TRPC4: variants seen among roughly 807,000 people sequenced by gnomAD.
TRPC4 encodes the protein short transient receptor potential channel 4.
TRPC4 carries 49 observed loss-of-function variants against 99.4 expected under a neutral mutation model. The observed-to-expected ratio is 0.49, with a 90% CI of 0.39 to 0.63. The LOEUF (loss-of-function observed/expected upper bound fraction) is 0.63, where lower values mean the gene tolerates loss of function less well. Ranked by LOEUF, TRPC4 falls within the 20% of genes least tolerant of loss-of-function variation. TRPC4 has a pLI of 0.00. For missense variants in TRPC4, 898 were observed against 1,152.9 expected, an observed-to-expected ratio of 0.78 and a Z score of 3.20; for synonymous variants, 454 against 425.9, an observed-to-expected ratio of 1.07 and a Z score of -0.81.
intron 1 of TRPC4, among the ~76,000 whole-genome samples, chr13:37,858,491 A>G (rs1197445584): frequency 6.6e-6 from 1 of 151,696 alleles, no homozygotes; most frequent in Non-Finnish European, 1.5e-5. Context: ...TTGTCTTAGT[A>G]CTTTTCACAA....
At chr13:37,641,101 A>T (rs1951701715) in intron 8 of TRPC4, among the ~76,000 whole-genome samples, 1 of 152,208 alleles carries the variant, frequency 6.6e-6, no homozygotes, top group African/African-American at 2.4e-5. Flanking sequence ...GAAAATTATC[A>T]TGATACATTT....
chr13:37,637,171 C>T lies in TRPC4; in HGVS notation c.2666G>A (p.Arg889Gln), dbSNP rs761582713. The T allele has an allele frequency of 5.6e-6, 9 of 1,613,828 alleles. 1 individual carries two copies. Among genetic ancestry groups the T allele is most frequent in the South Asian group, 5.5e-5 (5 of 91,076 alleles). ...CAGGTCACCCCGTGAAGCTAATCCTCGAGATTCCAGTTGAATATTTCTCTC... is the reference window on the plus strand; with the variant it reads ...CAGGTCACCCCGTGAAGCTAATCCTTGAGATTCCAGTTGAATATTTCTCTC... ...PLERNIQLES[R>Q]GLASRGDLSI... The change falls in exon 11 of 11, where the codon CGA becomes CAA. Residue 889 changes from arginine (R) to glutamine (Q), a missense_variant. Physicochemically the swap from Arg to Gln is conservative, Grantham distance 43. Coordinates refer to ENST00000379705, the MANE Select transcript of TRPC4 (RefSeq NM_016179.4).
At chr13:37,661,262 T>C (rs1952427003) in intron 6 of TRPC4, among the ~76,000 whole-genome samples, 1 of 152,232 alleles carries the variant, frequency 6.6e-6, no homozygotes, top group South Asian at 2.1e-4. Flanking sequence ...ATCATGCTTG[T>C]CTGGCCTTAA....
chr13:37,841,575 T>A (rs970119782), intron 1 of TRPC4, among the ~76,000 whole-genome samples: 3 of 151,380 alleles, frequency 2.0e-5, no homozygotes, highest in Admixed American at 2.0e-4. Flanking sequence ...TTAGAAAATA[T>A]TCAAAAAACA....
At chr13:37,680,522 G>A (rs1034088515) in intron 4 of TRPC4, among the ~76,000 whole-genome samples, 2 of 152,148 alleles carry the variant, frequency 1.3e-5, no homozygotes, top group African/African-American at 4.8e-5. Context: ...TTCCTATTAG[G>A]ATTGTGACAA....
intron 3 of TRPC4, among the ~76,000 whole-genome samples, chr13:37,733,246 T>C (rs1955293687): frequency 6.6e-6 from 1 of 152,108 alleles, no homozygotes; most frequent in Non-Finnish European, 1.5e-5. Context: ...GCGCTCCAGC[T>C]TGCATGACAG....
intron 2 of TRPC4, among the ~76,000 whole-genome samples, chr13:37,772,146 C>T (rs975144785): frequency 6.6e-6 from 1 of 151,750 alleles, no homozygotes; most frequent in African/African-American, 2.4e-5. Flanking sequence ...CCCTAAACTT[C>T]TCACTGGATT....
chr13:37,654,538 G>A (rs377531854), intron 7 of TRPC4, among the ~76,000 whole-genome samples: 9 of 152,120 alleles, frequency 5.9e-5, no homozygotes, highest in African/African-American at 1.4e-4. Flanking sequence ...CTTGTGCTAC[G>A]TTGTTTAGAT....
chr13:37,813,638 A>T (rs921972123), intron 1 of TRPC4, among the ~76,000 whole-genome samples: 4 of 152,048 alleles, frequency 2.6e-5, no homozygotes, highest in Admixed American at 2.6e-4. Context: ...GAGTAGACAA[A>T]TTTTTAGGAA....
intron 1 of TRPC4, among the ~76,000 whole-genome samples, chr13:37,815,751 A>G (rs1957834610): frequency 6.6e-6 from 1 of 151,814 alleles, no homozygotes; most frequent in Non-Finnish European, 1.5e-5. Flanking sequence ...TGAACTTGAC[A>G]GTTGATCAAA....
chr13:37,685,911 T>G (rs1953457006), intron 4 of TRPC4, among the ~76,000 whole-genome samples: 1 of 142,586 alleles, frequency 7.0e-6, no homozygotes, highest in African/African-American at 2.5e-5. Context: ...GAAGATGATG[T>G]TAAAATATTT....
At chr13:37,731,656 A>G (rs1955243128) in intron 3 of TRPC4, among the ~76,000 whole-genome samples, 1 of 152,120 alleles carries the variant, frequency 6.6e-6, no homozygotes, top group African/African-American at 2.4e-5. Context: ...GACCAGATGA[A>G]TGTCAAACTG....
chr13:37,696,341 C>T (rs1444548206), intron 3 of TRPC4, among the ~76,000 whole-genome samples: 1 of 151,990 alleles, frequency 6.6e-6, no homozygotes, highest in East Asian at 1.9e-4. Flanking sequence ...TATCAACTAT[C>T]TAGAAAAGTG....
At chr13:37,753,261 C>T (rs1189745592) in intron 2 of TRPC4, among the ~76,000 whole-genome samples, 1 of 151,742 alleles carries the variant, frequency 6.6e-6, no homozygotes, top group South Asian at 2.1e-4. Flanking sequence ...GTCAAGAAAG[C>T]TAAATAATTT....
chr13:37,794,646 G>A (rs971128059), intron 1 of TRPC4, among the ~76,000 whole-genome samples: 5 of 152,058 alleles, frequency 3.3e-5, no homozygotes, highest in African/African-American at 7.2e-5. Context: ...TAACATTGTC[G>A]CTGCCAACAA....
chr13:37,826,472 G>A (rs1486327985), intron 1 of TRPC4, among the ~76,000 whole-genome samples: 16 of 143,202 alleles, frequency 1.1e-4, no homozygotes, highest in Non-Finnish European at 2.1e-4. Flanking sequence ...AGGCCTGGTG[G>A]TGACAAAATC....
At chr13:37,786,658 A>C (rs549692710) in intron 1 of TRPC4, among the ~76,000 whole-genome samples, 1 of 152,182 alleles carries the variant, frequency 6.6e-6, no homozygotes, top group South Asian at 2.1e-4. Flanking sequence ...TAATGTCAAA[A>C]TAAAACATTG....
chr13:37,745,361 C>T (rs531830637), intron 3 of TRPC4, among the ~76,000 whole-genome samples: 1 of 148,908 alleles, frequency 6.7e-6, no homozygotes. Flanking sequence ...GCTGCATTTT[C>T]CATCCACATT....
intron 4 of TRPC4, among the ~76,000 whole-genome samples, chr13:37,689,504 G>A (rs553430439): frequency 1.3e-5 from 2 of 152,042 alleles, no homozygotes; most frequent in African/African-American, 2.4e-5. Flanking sequence ...TCATTTGCAC[G>A]CATTTTTTAA....
Sources: allele counts gnomAD v4.1 joint callset (sites outside exome capture counted in the v4.1 genomes callset), GRCh38; gene constraint gnomAD v4.1.1; transcripts MANE v1.5; gene names NCBI Gene and HGNC (gene_info 2026-07-23, HGNC 2026-07-21).